The following ZW10 variants were observed in gnomAD, a reference collection of about 807,000 sequenced individuals.
The protein encoded by ZW10 is centromere/kinetochore protein zw10 homolog.
Under a neutral mutation model 87.8 loss-of-function variants are expected in ZW10, and 53 were observed. The observed-to-expected ratio is 0.60, with a 90% confidence interval of 0.48 to 0.76. ZW10 has a LOEUF of 0.76. Among genes scored for constraint, ZW10 ranks in the 30% least tolerant of loss-of-function variants. ZW10 has a pLI of 0.00. For missense variants in ZW10, 837 were observed against 923.0 expected, an observed-to-expected ratio of 0.91 and a Z score of 1.21; for synonymous variants, 312 against 329.2, an observed-to-expected ratio of 0.95 and a Z score of 0.57.
intron 11 of ZW10, among the ~76,000 whole-genome samples, chr11:113,740,517 G>A (rs188487197): frequency 3.3e-5 from 5 of 152,126 alleles, no homozygotes; most frequent in African/African-American, 9.7e-5. Context: ...CCAGTAGGTC[G>A]AGGCTGCAAT....
intron 2 of ZW10, among the ~76,000 whole-genome samples, chr11:113,764,292 T>C (rs1231585676): frequency 1.3e-5 from 2 of 152,230 alleles, no homozygotes; most frequent in Non-Finnish European, 2.9e-5. Context: ...AGTCAGGTAG[T>C]GTGATGACCC....
intron 13 of ZW10, 111 bp downstream of exon 13, chr11:113,738,153 G>T: frequency 8.1e-7 from 1 of 1,227,864 alleles, no homozygotes; most frequent in Non-Finnish European, 1.1e-6. Flanking sequence ...TGGGGGTGCA[G>T]GGAATCAACT....
intron 7 of ZW10, among the ~76,000 whole-genome samples, chr11:113,756,405 T>C (rs1341165066): frequency 6.6e-6 from 1 of 152,194 alleles, no homozygotes; most frequent in Non-Finnish European, 1.5e-5. Context: ...AAATCCATCA[T>C]CTGTAATAGG....
Position 113,733,556 on chromosome 11 carries a change from G to A in ZW10, c.*138C>T, listed in dbSNP as rs911148673. On this transcript the variant is annotated 3_prime_UTR_variant, in exon 16 of 16. Transcript: ENST00000200135. ...CCTCGTACAGGCCAGGAGGTAAGAC[G>A]TTCTTCTGTAAAGTCAAACTTCCAA... 8 of 1,153,702 alleles carry A rather than the reference G, an allele frequency of 6.9e-6. No homozygotes were observed. Among genetic ancestry groups the A allele is most frequent in the East Asian group, 2.4e-5 (1 of 42,208 alleles). The allele number at this position is 1,153,702 out of a possible 1,614,324, so 71.5% of individuals were successfully genotyped here. A position where few individuals can be genotyped will look rare whatever the true frequency, so the allele number is the denominator to read the frequency against.
At chr11:113,755,008 T>G (rs943400032) in intron 7 of ZW10, among the ~76,000 whole-genome samples, 1 of 152,124 alleles carries the variant, frequency 6.6e-6, no homozygotes, top group African/African-American at 2.4e-5. Flanking sequence ...AAAGATTTCT[T>G]TCAAAATATT....
intron 5 of ZW10, among the ~76,000 whole-genome samples, chr11:113,759,926 T>G (rs1034136204): frequency 1.1e-4 from 17 of 152,172 alleles, no homozygotes; most frequent in African/African-American, 3.9e-4. Flanking sequence ...TATCATCTCC[T>G]CTAGCACACT....
At chr11:113,744,524 G>A (rs573784949) in intron 9 of ZW10, among the ~76,000 whole-genome samples, 2 of 152,240 alleles carry the variant, frequency 1.3e-5, no homozygotes, top group African/African-American at 4.8e-5. Context: ...AATGACTGCT[G>A]AATCCTAGAT....
At position 113,741,776 on chromosome 11, in the gene ZW10, A is replaced by G; in HGVS notation, c.1512-11T>C. On this transcript the variant is annotated splice_polypyrimidine_tract_variant and intron_variant, in intron 10 of 15. Transcript: ENST00000200135. ...AAAAGTTGAACAGCACTAAAAAGAA[A>G]ACATAGACTTAACAGAAATGCCTAA... The G allele has an allele frequency of 1.3e-6, 2 of 1,590,220 alleles. No homozygotes were observed. Among genetic ancestry groups the G allele is most frequent in the Non-Finnish European group, 1.7e-6 (2 of 1,166,514 alleles).
At chr11:113,744,061 T>C (rs1953653622) in intron 9 of ZW10, 21 bp from the exon 10 acceptor site, 1 of 1,552,358 alleles carries the variant, frequency 6.4e-7, no homozygotes, top group South Asian at 1.1e-5. Context: ...AACACAAAAA[T>C]ACAGAAAATA....
chr11:113,768,602 TG>T (rs1007977179), intron 2 of ZW10, among the ~76,000 whole-genome samples: 2 of 152,224 alleles, frequency 1.3e-5, no homozygotes, highest in African/African-American at 2.4e-5. Context: ...ACAGGCATGA[TG>T]CACCGGGCCT....
At chr11:113,761,038 A>G in intron 2 of ZW10, 120 bp from the exon 3 acceptor site, 1 of 744,296 alleles carries the variant, frequency 1.3e-6, no homozygotes, top group Non-Finnish European at 2.2e-6. Context: ...TTTAAATGCT[A>G]GTTAAGACTG....
chr11:113,748,173 A>T (rs1158666199), intron 8 of ZW10, 84 bp downstream of exon 8: 4 of 1,325,074 alleles, frequency 3.0e-6, no homozygotes, highest in Non-Finnish European at 4.0e-6. Flanking sequence ...TAACTAAAGA[A>T]CAAACTATCT....
In ZW10 at chr11:113,760,137, T is replaced by C. The variant is rs1591420268; in HGVS notation, c.580+72A>G. The C allele has an allele frequency of 3.3e-6, 5 of 1,513,210 alleles. No homozygotes were observed. The East Asian group carries it at 1.1e-4, about 34-fold the overall frequency. 93.7% of individuals were successfully genotyped at this position (1,513,210 alleles called of 1,614,324 possible). ...GAACCCTCATCTACTAATACAAAAATGTAGAATATATTCAGACACTACACT... is the reference window on the plus strand; with the variant it reads ...GAACCCTCATCTACTAATACAAAAACGTAGAATATATTCAGACACTACACT... On this transcript the variant is annotated intron_variant, in intron 5 of 15. Coordinates refer to ENST00000200135, the MANE Select transcript of ZW10 (RefSeq NM_004724.4).
chr11:113,766,497 C>T (rs1343993516), intron 2 of ZW10, among the ~76,000 whole-genome samples: 4 of 150,154 alleles, frequency 2.7e-5, no homozygotes, highest in Non-Finnish European at 5.9e-5. Flanking sequence ...GGTAAAACCC[C>T]GTCTCTACTA....
chr11:113,758,501 A>G (rs1953821358), intron 6 of ZW10, 53 bp downstream of exon 6: 2 of 1,562,690 alleles, frequency 1.3e-6, no homozygotes, highest in Non-Finnish European at 8.8e-7. Flanking sequence ...TCTTCCCTTT[A>G]ATACTGGGCC....
chr11:113,747,769 A>ATTAGAATT (rs1953696175), intron 8 of ZW10, 56 bp from the exon 9 acceptor site: 1 of 1,388,980 alleles, frequency 7.2e-7, no homozygotes, highest in East Asian at 2.3e-5. Flanking sequence ...CCATTACAAT[A>ATTAGAATT]TTAGAATTTC....
intron 9 of ZW10, among the ~76,000 whole-genome samples, chr11:113,746,495 C>CAAAAAAAAAAAAAAAAAAACAA (rs1953677667): frequency 9.5e-6 from 1 of 105,342 alleles, no homozygotes; most frequent in Non-Finnish European, 1.8e-5. Context: ...ACAAAACAGT[C>CAAAAAAAAAAAAAAAAAAACAA]AAAAAAAAAA....
rs767037662 is a variant in ZW10 at position 113,736,690 on chromosome 11, C to A, written c.2149G>T (p.Val717Leu). Residue 717 changes from valine (V) to leucine (L), a missense_variant, in exon 15 of 16, where the codon GTG (valine) becomes TTG (leucine). By Grantham distance (32) the Val-to-Leu change is conservative. Coordinates refer to ENST00000200135, the MANE Select transcript of ZW10 (RefSeq NM_004724.4). ...KKYQEEVPVY[V>L]PKWMPFKELM... ...TCCTTGAATGGCATCCATTTTGGCA[C>A]ATAGACTGGAACCTCTTCTTGATAT... The A allele has an allele frequency of 5.6e-6, 9 of 1,614,088 alleles. No individual in the cohort carries two copies. The highest frequency in any genetic ancestry group is 1.6e-4 in the Middle Eastern group (1 of 6,084).
At position 113,747,731 on chromosome 11, in the gene ZW10, AAAAAG is replaced by A; in HGVS notation, c.1090-23_1090-19del. ...TGTATGATCTGAGATACAAAAGAAAAAAAAGAAAAGAATCATTTACATATATTCCA... is the reference window on the plus strand; with the variant it reads ...TGTATGATCTGAGATACAAAAGAAAAAAAAGAATCATTTACATATATTCCA... On this transcript the variant is annotated intron_variant, in intron 8 of 15. Transcript: ENST00000200135. 1.3e-6 allele frequency: 2 copies of A among 1,565,572 alleles called. No individual in the cohort carries two copies. The highest frequency in any genetic ancestry group is 1.7e-6 in the Non-Finnish European group (2 of 1,156,454).
Sources: allele counts gnomAD v4.1 joint callset (sites outside exome capture counted in the v4.1 genomes callset), GRCh38; gene constraint gnomAD v4.1.1; transcripts MANE v1.5; gene names NCBI Gene and HGNC (gene_info 2026-07-23, HGNC 2026-07-21).